The following ARHGEF11 variants were observed in gnomAD, a reference collection of about 807,000 sequenced individuals.
ARHGEF11 encodes the protein Rho guanine nucleotide exchange factor 11, also known as Rho guanine exchange factor (GEF) 11.
In ARHGEF11, 55 loss-of-function variants were observed where a neutral mutation model predicts 193.7. The ratio of observed to expected loss-of-function variants is 0.28; its 90% CI spans 0.23 to 0.36. ARHGEF11 has a LOEUF of 0.36. Ranked by LOEUF, ARHGEF11 falls within the 10% of genes least tolerant of loss-of-function variation. ARHGEF11 has a pLI of 1.00. For synonymous variants in ARHGEF11, 693 were observed against 768.0 expected (o/e 0.90, Z 1.62); for missense variants, 1,723 against 2,005.6 (o/e 0.86, Z 2.69).
chr1:156,951,616 G>A lies in ARHGEF11; in HGVS notation c.1882C>T (p.Leu628Phe), dbSNP rs767186090. 6.2e-7 allele frequency: 1 copy of A among 1,614,236 alleles called. No individual in the cohort carries two copies. The highest frequency in any genetic ancestry group is 8.5e-7 in the Non-Finnish European group (1 of 1,180,044). Residue 628 changes from leucine to phenylalanine, a missense_variant, in exon 22 of 41, where the codon CTC (leucine) becomes TTC (phenylalanine). Around this residue, in one of 5 missense-constraint regions of ARHGEF11, gnomAD observed 491 missense variants for 654.5 expected, o/e 0.75. Coordinates refer to ENST00000368194, the MANE Select transcript of ARHGEF11 (RefSeq NM_198236.3). Reference protein sequence around the residue: ...YDAPEPGTQRLSTGSFPEDLL... With the variant: ...YDAPEPGTQRFSTGSFPEDLL... The stretch of plus-strand genomic sequence containing the variant: ...TCCTCAGGAAAGCTTCCGGTCGAGA[G>A]TCGTTGTGTCCCAGGTTCTGGGGCA...
intron 1 of ARHGEF11, among the ~76,000 whole-genome samples, chr1:157,002,931 TG>T (rs1667377875): frequency 6.6e-6 from 1 of 152,146 alleles, no homozygotes; most frequent in Non-Finnish European, 1.5e-5. Flanking sequence ...ATCCATAAAA[TG>T]GGGATAATAA....
chr1:156,946,873 G>A (rs1426389660), intron 27 of ARHGEF11, 63 bp downstream of exon 27: 9 of 1,612,910 alleles, frequency 5.6e-6, no homozygotes, highest in Non-Finnish European at 7.6e-6. Flanking sequence ...TCTGGCCTTG[G>A]GTAATGAGAC....
intron 1 of ARHGEF11, among the ~76,000 whole-genome samples, chr1:156,996,772 C>CAAAA (rs66730438): frequency 0.016 from 622 of 38,590 alleles, 26 homozygotes; most frequent in Non-Finnish European, 0.023. Context: ...GACTCTGTCT[C>CAAAA]AAAAAAAAAA....
Position 156,940,037 on chromosome 1 carries a change from C to A in ARHGEF11, c.3734-127G>T, listed in dbSNP as rs573465743. 1.1e-5 allele frequency: 16 copies of A among 1,472,254 alleles called. No homozygotes were observed. In the South Asian group the frequency reaches 1.2e-4, roughly 11 times the overall value. The allele number at this position is 1,472,254 out of a possible 1,614,324, so 91.2% of individuals were successfully genotyped here. Reference sequence around the variant, plus strand: ...ACAGGTGAAGCTGGAGGGCTCTGGCCAACTAGCTGGTGGGGGTTGGGTGGG... The same window carrying A: ...ACAGGTGAAGCTGGAGGGCTCTGGCAAACTAGCTGGTGGGGGTTGGGTGGG... On this transcript the variant is annotated intron_variant, in intron 36 of 40. Transcript: ENST00000368194.
At chr1:156,981,833 A>G (rs896788345) in intron 3 of ARHGEF11, among the ~76,000 whole-genome samples, 1 of 152,232 alleles carries the variant, frequency 6.6e-6, no homozygotes, top group African/African-American at 2.4e-5. Context: ...AGGAAGCACA[A>G]AAAACACTAA....
At chr1:156,989,524 A>G (rs989653268) in intron 1 of ARHGEF11, among the ~76,000 whole-genome samples, 2 of 152,160 alleles carry the variant, frequency 1.3e-5, no homozygotes, top group African/African-American at 4.8e-5. Context: ...AAGGACTTTC[A>G]TCCTGTGGAC....
intron 1 of ARHGEF11, among the ~76,000 whole-genome samples, chr1:157,042,494 A>C (rs992570716): frequency 6.6e-6 from 1 of 152,178 alleles, no homozygotes; most frequent in Non-Finnish European, 1.5e-5. Flanking sequence ...CTAGCCAGGC[A>C]AGATGGCACT....
At position 156,991,710 on chromosome 1, in the gene ARHGEF11, A is replaced by ATTTTTT. The variant is rs57140356; in HGVS notation, c.33-5543_33-5538dup. On this transcript the variant is annotated intron_variant, in intron 1 of 40. Coordinates refer to ENST00000368194, the MANE Select transcript of ARHGEF11 (RefSeq NM_198236.3). Reference sequence around the variant, plus strand: ...TTAGGGTTTTCTTTTTTTCAAGCTTATTTTTTTTTTTTTTTTTTTTTTTTG... The same window carrying ATTTTTT: ...TTAGGGTTTTCTTTTTTTCAAGCTTATTTTTTTTTTTTTTTTTTTTTTTTTTTTTTG... 3.3e-3 allele frequency among the ~76,000 whole-genome samples: 281 copies of ATTTTTT among 83,970 alleles called. 5 individuals carry two copies. The highest frequency in any genetic ancestry group is 4.5e-3 in the Non-Finnish European group (194 of 42,874). The allele number at this position is 83,970 out of a possible 152,430, so 55.1% of individuals were successfully genotyped here. A position where few individuals can be genotyped will look rare whatever the true frequency, so the allele number is the denominator to read the frequency against.
intron 22 of ARHGEF11, among the ~76,000 whole-genome samples, chr1:156,950,621 CAGAG>C (rs1186885500): frequency 7.2e-5 from 11 of 152,040 alleles, no homozygotes; most frequent in Non-Finnish European, 5.9e-5. Context: ...GCCTGGGTGA[CAGAG>C]AAAGATCCTG....
chr1:157,018,507 T>C (rs1423311327), intron 1 of ARHGEF11, among the ~76,000 whole-genome samples: 1 of 151,956 alleles, frequency 6.6e-6, no homozygotes, highest in Non-Finnish European at 1.5e-5. Flanking sequence ...TAGCTGGGCG[T>C]GGTGTCGGGC....
intron 1 of ARHGEF11, among the ~76,000 whole-genome samples, chr1:157,005,041 AAGGAATGCC>A (rs973626219): frequency 6.6e-6 from 1 of 152,220 alleles, no homozygotes; most frequent in African/African-American, 2.4e-5. Context: ...GGCTAACAGG[AAGGAATGCC>A]AGGCCTTGCC....
chr1:156,946,285 A>G (rs1295028119), intron 28 of ARHGEF11, 123 bp from the exon 29 acceptor site: 1 of 763,506 alleles, frequency 1.3e-6, no homozygotes. Flanking sequence ...GATCACTCAG[A>G]AATGGCAGTG....
In ARHGEF11 at chr1:156,936,258, G is replaced by C. The variant is rs374846146; in HGVS notation, c.4631-200C>G. The C allele has an allele frequency of 6.9e-5, 52 of 757,234 alleles. No homozygotes were observed. In the African/African-American group the frequency reaches 7.4e-4, roughly 11 times the overall value. 46.9% of individuals were successfully genotyped at this position (757,234 alleles called of 1,614,324 possible). A position where few individuals can be genotyped will look rare whatever the true frequency, so the allele number is the denominator to read the frequency against. On this transcript the variant is annotated intron_variant, in intron 40 of 40. Coordinates refer to ENST00000368194, the MANE Select transcript of ARHGEF11 (RefSeq NM_198236.3). ...TCAGCGCCTAAAGCCCTTAGGTCAG[G>C]TAGGTATGTGCCTTGTCTTCCTGAG...
At chr1:156,970,599 G>T (rs1391529984) in intron 8 of ARHGEF11, among the ~76,000 whole-genome samples, 1 of 152,214 alleles carries the variant, frequency 6.6e-6, no homozygotes, top group Non-Finnish European at 1.5e-5. Context: ...GAGATCTTAA[G>T]TAACTTGCCC....
chr1:156,981,212 A>T (rs78923157), intron 3 of ARHGEF11, among the ~76,000 whole-genome samples: 91 of 146,224 alleles, frequency 6.2e-4, no homozygotes, highest in African/African-American at 1.4e-3. Flanking sequence ...AAAAAAAAAA[A>T]TTTTTTTTTT....
chr1:156,935,919 A>C lies in ARHGEF11; in HGVS notation c.*81T>G, dbSNP rs1393953300. The C allele has an allele frequency of 6.9e-7, 1 of 1,456,074 alleles. No homozygotes were observed. The highest frequency in any genetic ancestry group is 2.1e-5 in the Admixed American group (1 of 48,042). The allele number at this position is 1,456,074 out of a possible 1,614,324, so 90.2% of individuals were successfully genotyped here. On this transcript the variant is annotated 3_prime_UTR_variant, in exon 41 of 41. Coordinates refer to ENST00000368194, the MANE Select transcript of ARHGEF11 (RefSeq NM_198236.3). ...CTCCTCCACAGGGAGGAGTGTTGGGATCCCCCCTACCCTGTGCCCCGGTCT... is the reference window on the plus strand; with the variant it reads ...CTCCTCCACAGGGAGGAGTGTTGGGCTCCCCCCTACCCTGTGCCCCGGTCT...
chr1:156,940,852 G>A (rs1656714463), intron 35 of ARHGEF11, among the ~76,000 whole-genome samples: 1 of 152,146 alleles, frequency 6.6e-6, no homozygotes, highest in Non-Finnish European at 1.5e-5. Context: ...TAAGCAGAAG[G>A]AAACAACAGG....
At chr1:156,939,374 T>C (rs1270050896) in intron 37 of ARHGEF11, 174 bp downstream of exon 37, 2 of 845,390 alleles carry the variant, frequency 2.4e-6, no homozygotes, top group Non-Finnish European at 3.7e-6. Context: ...ATCTCGAATG[T>C]CCAACTCCAA....
chr1:157,017,473 C>T (rs1006887752), intron 1 of ARHGEF11, among the ~76,000 whole-genome samples: 27 of 151,980 alleles, frequency 1.8e-4, no homozygotes, highest in Non-Finnish European at 3.2e-4. Flanking sequence ...TTTGGGAGGT[C>T]GAGGCAGGTG....
Sources: gnomAD v4.1 joint callset for allele counts (sites outside exome capture counted in the v4.1 genomes callset) on GRCh38, gnomAD v4.1.1 for gene constraint, gnomAD v4.1.1 regional missense constraint, MANE v1.5 for transcripts, NCBI Gene and HGNC (gene_info 2026-07-23, HGNC 2026-07-21) for gene names.